The following KLC2 variants were observed in gnomAD, a reference collection of about 807,000 sequenced individuals.
KLC2 encodes the protein kinesin light chain 2, also known as KLC 2.
In KLC2, 35 loss-of-function variants were observed where a neutral mutation model predicts 75.1. The ratio of observed to expected loss-of-function variants is 0.47; its 90% CI spans 0.36 to 0.62. KLC2 has a LOEUF of 0.62. Among genes scored for constraint, KLC2 ranks in the 20% least tolerant of loss-of-function variants. KLC2 has a pLI of 0.00. For synonymous variants in KLC2, 314 were observed against 336.7 expected, an observed-to-expected ratio of 0.93 and a Z score of 0.74; for missense variants, 611 against 833.2, an observed-to-expected ratio of 0.73 and a Z score of 3.28.
chr11:66,262,276 T>G, intron 4 of KLC2, 84 bp downstream of exon 4: 1 of 1,072,134 alleles, frequency 9.3e-7, no homozygotes, highest in Non-Finnish European at 1.4e-6. Flanking sequence ...CCATGTTCCT[T>G]CCTGCCTCAC....
chr11:66,244,549 G>C, the KLC2 span: 2 of 152,402 alleles, frequency 1.3e-5, no homozygotes, highest in African/African-American at 4.8e-5. Context: ...CTCCTTCCCA[G>C]AAGTTTTTGC....
chr11:66,255,245 G>A (rs1032844169), upstream of KLC2, among the ~76,000 whole-genome samples: 6 of 152,214 alleles, frequency 3.9e-5, no homozygotes, highest in Admixed American at 6.5e-5. Context: ...GAGTTCAGTG[G>A]CATGATGTTA....
intron 2 of KLC2, chr11:66,261,398 C>T (rs1187205223): frequency 1.4e-5 from 3 of 221,606 alleles, no homozygotes; most frequent in Non-Finnish European, 2.7e-5. Context: ...CAGTAACCTA[C>T]TGGCTGTGGC....
Position 66,267,626 on chromosome 11 carries a change from C to A in KLC2, c.*670C>A. ...CGTCCTCCCACCGCCGGGCCCTGCC[C>A]CGCATCCCGGCCTTATGCACTGCCC... On this transcript the variant is annotated 3_prime_UTR_variant, in exon 16 of 16. Coordinates refer to ENST00000394067, the MANE Select transcript of KLC2 (RefSeq NM_001318734.2). 1 of 597,552 alleles carries A rather than the reference C, an allele frequency of 1.7e-6. No homozygotes were observed. Among genetic ancestry groups the A allele is most frequent in the Middle Eastern group, 4.4e-4 (1 of 2,250 alleles). 37.0% of individuals were successfully genotyped at this position (597,552 alleles called of 1,614,324 possible). A position where few individuals can be genotyped will look rare whatever the true frequency, so the allele number is the denominator to read the frequency against.
At chr11:66,246,662 C>T in the KLC2 span, among the ~76,000 whole-genome samples, 2 of 152,290 alleles carry the variant, frequency 1.3e-5, no homozygotes. Flanking sequence ...GTCTCTGCTC[C>T]CCTTAGAGCA....
chr11:66,249,240 C>A, the KLC2 span, among the ~76,000 whole-genome samples: 1 of 152,182 alleles, frequency 6.6e-6, no homozygotes, highest in Non-Finnish European at 1.5e-5. Flanking sequence ...CTCAGCGCAG[C>A]CTGTGAAGGG....
At position 66,264,777 on chromosome 11, in the gene KLC2, G is replaced by A. The variant is rs1447841358; in HGVS notation, c.1217-246G>A. On this transcript the variant is annotated intron_variant, in intron 9 of 15. Coordinates refer to ENST00000394067, the MANE Select transcript of KLC2 (RefSeq NM_001318734.2). Reference sequence around the variant, plus strand: ...CCCGGATGGTCAGTCATCTGCTCCTGAGTCCCTCGGAGCCTGGCCCATCAT... The same window carrying A: ...CCCGGATGGTCAGTCATCTGCTCCTAAGTCCCTCGGAGCCTGGCCCATCAT... 3 of 587,484 alleles carry A rather than the reference G, an allele frequency of 5.1e-6. No homozygotes were observed. In the African/African-American group the frequency reaches 5.6e-5, roughly 11 times the overall value. The allele number at this position is 587,484 out of a possible 1,614,324, so 36.4% of individuals were successfully genotyped here.
chr11:66,258,075 G>A lies in KLC2; in HGVS notation c.-12+204G>A, dbSNP rs185220382. Reference sequence around the variant, plus strand: ...GGCCTCAGGGCGTTGCGCTGGCCTAGGGGAGGGGTCGTCGTGGGCGTAGCC... The same window carrying A: ...GGCCTCAGGGCGTTGCGCTGGCCTAAGGGAGGGGTCGTCGTGGGCGTAGCC... On this transcript the variant is annotated intron_variant, in intron 1 of 15. Transcript: ENST00000394067. The A allele has an allele frequency of 8.3e-3, 1,301 of 156,656 alleles. 10 individuals are homozygous for A. Among genetic ancestry groups the A allele is most frequent in the Non-Finnish European group, 0.014 (971 of 70,758 alleles). 9.7% of individuals were successfully genotyped at this position (156,656 alleles called of 1,614,324 possible). A position where few individuals can be genotyped will look rare whatever the true frequency, so the allele number is the denominator to read the frequency against.
rs1856948083 is a variant in KLC2, at chr11:66,267,756, G to C, written c.*800G>C. On this transcript the variant is annotated 3_prime_UTR_variant, in exon 16 of 16. Transcript: ENST00000394067. Reference sequence around the variant, plus strand: ...ACGCCTGCAGCTTCTCGCGAGGGGCGGCGACGGTCCCCTGGTGGCAGGAGG... The same window carrying C: ...ACGCCTGCAGCTTCTCGCGAGGGGCCGCGACGGTCCCCTGGTGGCAGGAGG... The C allele has an allele frequency of 2.2e-6, 1 of 459,862 alleles. No individual in the cohort carries two copies. Among genetic ancestry groups the C allele is most frequent in the South Asian group, 4.6e-5 (1 of 21,626 alleles). The allele number at this position is 459,862 out of a possible 1,614,324, so 28.5% of individuals were successfully genotyped here.
chr11:66,255,150 G>C (rs531764420), upstream of KLC2, among the ~76,000 whole-genome samples: 5 of 152,342 alleles, frequency 3.3e-5, no homozygotes, highest in South Asian at 1.0e-3. Flanking sequence ...TCTATGCACA[G>C]AGGCAGACTT....
the KLC2 span, among the ~76,000 whole-genome samples, chr11:66,251,697 TG>T: frequency 2.0e-5 from 3 of 151,470 alleles, no homozygotes; most frequent in Admixed American, 2.0e-4. Flanking sequence ...ACTTGAACCC[TG>T]GTAGCAGAGG....
chr11:66,265,627 A>G (rs1207455772), intron 11 of KLC2, 28 bp from the exon 12 acceptor site: 3 of 1,572,162 alleles, frequency 1.9e-6, no homozygotes, highest in African/African-American at 1.4e-5. Context: ...CTGGGGGAAC[A>G]TGGAGTTTGA....
Position 66,265,877 on chromosome 11 carries a change from C to A in KLC2, c.1467C>A (p.Thr489=), listed in dbSNP as rs780281064. ...RKQGLDPASQ[T]KVVELLKDGS... ...AGGGTTTGGACCCCGCAAGCCAGAC[C>A]AAGGTGGTAGAACTGCTGAAAGATG... Residue 489 remains threonine, a synonymous_variant, in exon 13 of 16, where the codon ACC becomes ACA. Coordinates refer to ENST00000394067, the MANE Select transcript of KLC2 (RefSeq NM_001318734.2). 2 of 1,576,226 alleles carry A rather than the reference C, an allele frequency of 1.3e-6. No homozygotes were observed. The highest frequency in any genetic ancestry group is 8.6e-7 in the Non-Finnish European group (1 of 1,157,438).
At chr11:66,246,790 G>T in the KLC2 span, among the ~76,000 whole-genome samples, 1 of 152,158 alleles carries the variant, frequency 6.6e-6, no homozygotes, top group Non-Finnish European at 1.5e-5. Context: ...GACCTGGGTT[G>T]CCCAGTCCTA....
At chr11:66,258,308 C>G (rs1005639982) in intron 1 of KLC2, 5 of 474,658 alleles carry the variant, frequency 1.1e-5, no homozygotes, top group Non-Finnish European at 1.9e-5. Flanking sequence ...TAGGGGGTCC[C>G]CGGGGAAACC....
chr11:66,265,461 C>T (rs1233738798), intron 11 of KLC2, 194 bp from the exon 12 acceptor site: 3 of 664,766 alleles, frequency 4.5e-6, no homozygotes, highest in African/African-American at 1.8e-5. Flanking sequence ...GGCCCTGGGG[C>T]CAGGTCCCCA....
In KLC2 at chr11:66,267,782, G is replaced by C; in HGVS notation, c.*826G>C. ...GCGACGGTCCCCTGGTGGCAGGAGG[G>C]GCTCCCCCTGTTGCGGGTGAGGCGG... is the stretch of plus-strand genomic sequence containing the variant. On this transcript the variant is annotated 3_prime_UTR_variant, in exon 16 of 16. Transcript: ENST00000394067. 1 of 450,840 alleles carries C rather than the reference G, an allele frequency of 2.2e-6. No homozygotes were observed. The highest frequency in any genetic ancestry group is 5.1e-5 in the South Asian group (1 of 19,670). The allele number at this position is 450,840 out of a possible 1,614,324, so 27.9% of individuals were successfully genotyped here.
chr11:66,264,500 A>G, intron 9 of KLC2, 56 bp downstream of exon 9: 3 of 1,267,896 alleles, frequency 2.4e-6, no homozygotes, highest in Non-Finnish European at 3.4e-6. Context: ...CCACTCTGCC[A>G]TCAGCACCCA....
At position 66,266,213 on chromosome 11, in the gene KLC2, C is replaced by T; in HGVS notation, c.1723C>T (p.Pro575Ser). The T allele has an allele frequency of 6.2e-7, 1 of 1,600,012 alleles. No homozygotes were observed. Among genetic ancestry groups the T allele is most frequent in the South Asian group, 1.1e-5 (1 of 90,094 alleles). The change falls in exon 14 of 16, where the codon CCC becomes TCC. Residue 575 changes from proline (P) to serine (S), a missense_variant. Pro to Ser is a moderately conservative substitution (Grantham distance 74). Coordinates refer to ENST00000394067, the MANE Select transcript of KLC2 (RefSeq NM_001318734.2). Reference sequence around the variant, plus strand: ...GGGCACCCCCCAGGAGCCCCCTAACCCCAGGTGAGCCCCCCACCAAGGTGA... The same window carrying T: ...GGGCACCCCCCAGGAGCCCCCTAACTCCAGGTGAGCCCCCCACCAAGGTGA... ...QGGTPQEPPN[P>S]RMKRASSLNF...
Sources: allele counts gnomAD v4.1 joint callset (sites outside exome capture counted in the v4.1 genomes callset), GRCh38; gene constraint gnomAD v4.1.1; transcripts MANE v1.5; gene names NCBI Gene and HGNC (gene_info 2026-07-23, HGNC 2026-07-21).